SPECC1: variants seen among roughly 807,000 people sequenced by gnomAD.
The protein encoded by SPECC1 is sperm antigen with calponin homology and coiled-coil domains 1, also known as cytospin-B.
In SPECC1, 62 loss-of-function variants were observed where a neutral mutation model predicts 104.1. That is an observed-to-expected ratio of 0.60 (90% CI 0.49 to 0.74). The LOEUF (loss-of-function observed/expected upper bound fraction) is 0.74. Among genes scored for constraint, SPECC1 ranks in the 30% least tolerant of loss-of-function variants. SPECC1 has a pLI of 0.00. For missense variants in SPECC1, 1,306 were observed against 1,310.5 expected, an observed-to-expected ratio of 1.00 and a Z score of 0.05; for synonymous variants, 513 against 501.6, an observed-to-expected ratio of 1.02 and a Z score of -0.30.
chr17:20,235,951 G>T (rs1428535799), intron 7 of SPECC1, among the ~76,000 whole-genome samples: 3 of 152,218 alleles, frequency 2.0e-5, no homozygotes, highest in African/African-American at 7.2e-5. Context: ...GTGCACATCC[G>T]TGTCAGCCTG....
intron 1 of SPECC1, among the ~76,000 whole-genome samples, chr17:20,069,722 G>C (rs1450663858): frequency 1.3e-5 from 2 of 151,966 alleles, no homozygotes; most frequent in African/African-American, 4.8e-5. Flanking sequence ...TGGGATGTCT[G>C]TTTATTTACT....
intron 12 of SPECC1, among the ~76,000 whole-genome samples, chr17:20,283,505 A>T (rs990177594): frequency 1.3e-5 from 2 of 152,180 alleles, no homozygotes; most frequent in Non-Finnish European, 2.9e-5. Flanking sequence ...GTGAGACTGA[A>T]CATCTTTTCA....
At chr17:20,313,054 A>C (rs2041973283) in intron 14 of SPECC1, among the ~76,000 whole-genome samples, 2 of 152,150 alleles carry the variant, frequency 1.3e-5, no homozygotes, top group Admixed American at 1.3e-4. Context: ...TTAATTATTA[A>C]ATATGTCCAG....
intron 3 of SPECC1, among the ~76,000 whole-genome samples, chr17:20,153,906 CAT>C (rs1301123217): frequency 1.3e-5 from 2 of 152,192 alleles, no homozygotes; most frequent in African/African-American, 4.8e-5. Context: ...CACTTGGTGT[CAT>C]ATGCATTTCT....
At chr17:20,085,695 A>G (rs1213222221) in intron 1 of SPECC1, among the ~76,000 whole-genome samples, 2 of 152,256 alleles carry the variant, frequency 1.3e-5, no homozygotes, top group Non-Finnish European at 2.9e-5. Flanking sequence ...AGAAAATCTC[A>G]GGAATGCGAG....
Position 20,205,235 on chromosome 17 carries a change from C to T in SPECC1, c.1186C>T (p.Gln396Ter). The T allele has an allele frequency of 6.2e-7, 1 of 1,614,074 alleles. No homozygotes were observed. The highest frequency in any genetic ancestry group is 1.1e-5 in the South Asian group (1 of 91,064). Residue 396 changes from glutamine to a stop codon, truncating the protein, a stop_gained, in exon 4 of 15, where the codon CAA (glutamine) becomes TAA (stop). Transcript: ENST00000395527. LOFTEE classifies it high-confidence loss of function. ...TGCAGAAGAACTACAGGCTACTCTACAAGAATTATCAGACCAGCAACAAAT... is the reference window on the plus strand; with the variant it reads ...TGCAGAAGAACTACAGGCTACTCTATAAGAATTATCAGACCAGCAACAAAT... ...STAEELQATL[Q>*]ELSDQQQMVQ...
In SPECC1 at chr17:20,205,813, A is replaced by G. The variant is rs772673798; in HGVS notation, c.1764A>G (p.Arg588=). 5.0e-6 allele frequency: 8 copies of G among 1,614,120 alleles called. No individual in the cohort carries two copies. The highest frequency in any genetic ancestry group is 6.8e-6 in the Non-Finnish European group (8 of 1,180,050). ...CEVQEMLKVA[R]AEKDLLELSC... is the part of the protein sequence containing the mutation. ...TTCAAGAAATGTTGAAAGTAGCCCG[A>G]GCAGAGAAAGATCTACTGGAACTGT... The change falls in exon 4 of 15, where the codon CGA becomes CGG. Residue 588 remains arginine (R), a synonymous_variant. Transcript: ENST00000395527.
chr17:20,305,341 C>T (rs1383991348), intron 13 of SPECC1, among the ~76,000 whole-genome samples: 9 of 152,052 alleles, frequency 5.9e-5, no homozygotes, highest in Non-Finnish European at 1.3e-4. Context: ...GTTGTCCATA[C>T]CCAGTGGGAC....
chr17:20,032,460 TTTTTC>T (rs1463004027), intron 1 of SPECC1, among the ~76,000 whole-genome samples: 1 of 152,158 alleles, frequency 6.6e-6, no homozygotes, highest in African/African-American at 2.4e-5. Flanking sequence ...TCTTCATTCT[TTTTTC>T]TTTTTATTTT....
At chr17:20,035,984 A>T (rs960442094) in intron 1 of SPECC1, among the ~76,000 whole-genome samples, 1 of 151,232 alleles carries the variant, frequency 6.6e-6, no homozygotes, top group African/African-American at 2.4e-5. Context: ...GCTAATTTAT[A>T]TATTTTTTAG....
At chr17:20,271,695 C>G (rs1007500782) in intron 12 of SPECC1, among the ~76,000 whole-genome samples, 2 of 152,074 alleles carry the variant, frequency 1.3e-5, no homozygotes, top group African/African-American at 2.4e-5. Context: ...CACAGAGTCC[C>G]TGTTAGTTCT....
Position 20,316,083 on chromosome 17 carries a change from T to G in SPECC1, c.*2018T>G, listed in dbSNP as rs2042036960. 1 of 232,260 alleles carries G rather than the reference T, an allele frequency of 4.3e-6. No homozygotes were observed. The highest frequency in any genetic ancestry group is 1.8e-4 in the South Asian group (1 of 5,526). The allele number at this position is 232,260 out of a possible 1,614,324, so 14.4% of individuals were successfully genotyped here. On this transcript the variant is annotated 3_prime_UTR_variant, in exon 15 of 15. Transcript: ENST00000395527. ...CGATGGTCATTACATCACCCATGCC[T>G]TTGTATTTAAATGAAACTCGACACA...
At chr17:20,073,082 GA>G (rs978506324) in intron 1 of SPECC1, among the ~76,000 whole-genome samples, 1 of 151,788 alleles carries the variant, frequency 6.6e-6, no homozygotes, top group African/African-American at 2.4e-5. Context: ...TATTTAGAAC[GA>G]AAAAAAATTG....
chr17:20,160,543 T>C (rs948146262), intron 3 of SPECC1, among the ~76,000 whole-genome samples: 2 of 152,176 alleles, frequency 1.3e-5, no homozygotes, highest in Non-Finnish European at 2.9e-5. Flanking sequence ...TCAACCACAT[T>C]TGCATCAGTA....
At chr17:20,239,139 G>T in intron 7 of SPECC1, 1 of 1,027,966 alleles carries the variant, frequency 9.7e-7, no homozygotes, top group Non-Finnish European at 1.2e-6. Flanking sequence ...TAAAACTCTA[G>T]GGTCTCAGAA....
intron 12 of SPECC1, among the ~76,000 whole-genome samples, chr17:20,283,138 C>A (rs1345790111): frequency 6.6e-6 from 1 of 152,170 alleles, no homozygotes; most frequent in Admixed American, 6.5e-5. Flanking sequence ...GAGCCCTGAT[C>A]ACACTATTGC....
intron 12 of SPECC1, among the ~76,000 whole-genome samples, chr17:20,265,401 G>A (rs1158673780): frequency 6.6e-6 from 1 of 152,138 alleles, no homozygotes; most frequent in Non-Finnish European, 1.5e-5. Flanking sequence ...ATGTATATAT[G>A]TCTTCTTTTG....
At chr17:20,313,889 A>C (rs1031805339) in intron 14 of SPECC1, 87 bp from the exon 15 acceptor site, 2 of 1,237,892 alleles carry the variant, frequency 1.6e-6, no homozygotes, top group African/African-American at 3.0e-5. Flanking sequence ...CAGGCAGTGT[A>C]AGCCCTAACC....
intron 2 of SPECC1, among the ~76,000 whole-genome samples, chr17:20,101,030 G>A (rs1403767231): frequency 1.3e-5 from 2 of 152,188 alleles, no homozygotes; most frequent in Non-Finnish European, 2.9e-5. Flanking sequence ...ATTCCATGGT[G>A]TATATGTGAC....
Sources: allele counts gnomAD v4.1 joint callset (sites outside exome capture counted in the v4.1 genomes callset), GRCh38; gene constraint gnomAD v4.1.1; transcripts MANE v1.5; gene names NCBI Gene and HGNC (gene_info 2026-07-23, HGNC 2026-07-21).